Variants in PRICKLE2 observed in about 807,000 individuals in gnomAD.
PRICKLE2 encodes prickle-like protein 2.
PRICKLE2 carries 21 observed loss-of-function variants against 81.4 expected under a neutral mutation model. The observed-to-expected ratio is 0.26, with a 90% confidence interval of 0.18 to 0.37. The LOEUF is 0.37. Among genes scored for constraint, PRICKLE2 ranks in the 10% least tolerant of loss-of-function variants. The probability of loss-of-function intolerance (pLI) is 1.00; values close to 1 mark genes in which losing one functional copy is unlikely to be tolerated. For missense variants in PRICKLE2, 940 were observed against 1,109.0 expected, an observed-to-expected ratio of 0.85 and a Z score of 2.16; for synonymous variants, 456 against 421.5, an observed-to-expected ratio of 1.08 and a Z score of -1.00.
At chr3:64,221,459 G>GCA (rs1287602757) in intron 1 of PRICKLE2, among the ~76,000 whole-genome samples, 2 of 120,796 alleles carry the variant, frequency 1.7e-5, no homozygotes, top group Admixed American at 8.2e-5. Flanking sequence ...ACACACACAC[G>GCA]CACACACACA....
intron 2 of PRICKLE2, among the ~76,000 whole-genome samples, chr3:64,180,962 GCAA>G (rs1463639416): frequency 6.6e-6 from 1 of 152,170 alleles, no homozygotes; most frequent in African/African-American, 2.4e-5. Flanking sequence ...CCTTTCATAA[GCAA>G]CTTTCCTTCT....
intron 7 of PRICKLE2, among the ~76,000 whole-genome samples, chr3:64,122,455 G>T (rs1229234709): frequency 6.6e-6 from 1 of 152,134 alleles, no homozygotes; most frequent in East Asian, 1.9e-4. Flanking sequence ...CTTCTGGGAG[G>T]CCCAAGAATC....
intron 2 of PRICKLE2, among the ~76,000 whole-genome samples, chr3:64,245,135 A>G (rs2079326871): frequency 6.6e-6 from 1 of 152,224 alleles, no homozygotes; most frequent in Non-Finnish European, 1.5e-5. Context: ...TTCACTGGAT[A>G]ATGCTAGAAT....
chr3:64,225,862 T>G (rs953944278), upstream of PRICKLE2, among the ~76,000 whole-genome samples: 2 of 151,688 alleles, frequency 1.3e-5, no homozygotes, highest in African/African-American at 4.9e-5. Flanking sequence ...AAATGCTGTG[T>G]CAAGCCTTCA....
chr3:64,219,876 C>T (rs2078925249), intron 1 of PRICKLE2, among the ~76,000 whole-genome samples: 1 of 152,158 alleles, frequency 6.6e-6, no homozygotes, highest in Non-Finnish European at 1.5e-5. Flanking sequence ...ACTTAACTTC[C>T]AGGAGTCCTG....
chr3:64,172,462 G>C lies in PRICKLE2; in HGVS notation c.145-9333C>G, dbSNP rs11130960. On this transcript the variant is annotated intron_variant, in intron 2 of 7. Transcript: ENST00000638394. The stretch of plus-strand genomic sequence containing the variant: ...TCAGATTGTTTGGGTTCCAATAATG[G>C]ATGTAACACTTACCATCTGCATGTA... Among the ~76,000 whole-genome samples the C allele has an allele frequency of 2.1e-3, 316 of 152,326 alleles. 9 individuals carry two copies. The East Asian group carries it at 0.056, about 27-fold the overall frequency.
At chr3:64,108,196 A>T (rs543099285) in intron 7 of PRICKLE2, among the ~76,000 whole-genome samples, 1 of 152,292 alleles carries the variant, frequency 6.6e-6, no homozygotes, top group African/African-American at 2.4e-5. Flanking sequence ...CCCTTTATAG[A>T]CACAGGTTGT....
At chr3:64,107,237 A>G (rs2076769595) in intron 7 of PRICKLE2, among the ~76,000 whole-genome samples, 1 of 152,138 alleles carries the variant, frequency 6.6e-6, no homozygotes, top group South Asian at 2.1e-4. Flanking sequence ...GGGGCATTCT[A>G]TGGTACACTG....
Position 64,120,403 on chromosome 3 carries a change from C to T in PRICKLE2, c.1661-20478G>A, listed in dbSNP as rs576572721. Among the ~76,000 whole-genome samples the T allele has an allele frequency of 8.5e-5, 13 of 152,220 alleles. 1 individual carries two copies. In the South Asian group the frequency reaches 2.1e-3, roughly 24 times the overall value. On this transcript the variant is annotated intron_variant, in intron 7 of 7. Coordinates refer to ENST00000638394, the MANE Select transcript of PRICKLE2 (RefSeq NM_198859.4). ...TCTGGAAAGACAGCAGATGGACCTT[C>T]GTTTGGCAGATAAGGAACTGAAAAC...
In PRICKLE2 at chr3:64,198,936, C is replaced by T. The variant is rs746914034; in HGVS notation, c.-9G>A. 4 of 1,614,026 alleles carry T rather than the reference C, an allele frequency of 2.5e-6. No homozygotes were observed. The highest frequency in any genetic ancestry group is 3.4e-6 in the Non-Finnish European group (4 of 1,180,046). On this transcript the variant is annotated 5_prime_UTR_variant, in exon 2 of 8. Transcript: ENST00000638394. Reference sequence around the variant, plus strand: ...GGCATCACTGTCACCATGTGCTCCTCCTGGGGACACTTGCAGTGCAGGCAG... The same window carrying T: ...GGCATCACTGTCACCATGTGCTCCTTCTGGGGACACTTGCAGTGCAGGCAG...
At chr3:64,255,480 C>T (rs2079512691) in intron 2 of PRICKLE2, among the ~76,000 whole-genome samples, 3 of 152,132 alleles carry the variant, frequency 2.0e-5, no homozygotes, top group African/African-American at 7.2e-5. Context: ...AAGACCACAC[C>T]TCATTCCTAG....
intron 7 of PRICKLE2, among the ~76,000 whole-genome samples, chr3:64,117,710 A>T (rs2076958809): frequency 6.6e-6 from 1 of 152,228 alleles, no homozygotes; most frequent in South Asian, 2.1e-4. Flanking sequence ...GATGACACAA[A>T]CAAGTGAAAA....
chr3:64,217,287 G>GA (rs2078887073), intron 1 of PRICKLE2, among the ~76,000 whole-genome samples: 4 of 151,794 alleles, frequency 2.6e-5, no homozygotes, highest in Admixed American at 2.6e-4. Context: ...GAGAAAGAAA[G>GA]AAAAAAAGAC....
intron 2 of PRICKLE2, among the ~76,000 whole-genome samples, chr3:64,255,589 T>G (rs2107184274): frequency 6.6e-6 from 1 of 152,324 alleles, no homozygotes; most frequent in Admixed American, 6.5e-5. Flanking sequence ...AATCCCAGTC[T>G]GCTGCCATAA....
chr3:64,223,657 G>C (rs1193047975), intron 1 of PRICKLE2, among the ~76,000 whole-genome samples: 1 of 152,170 alleles, frequency 6.6e-6, no homozygotes, highest in East Asian at 1.9e-4. Flanking sequence ...AGGGGAAGGA[G>C]CATTTGATGG....
chr3:64,232,640 C>T (rs569815334), intron 2 of PRICKLE2, among the ~76,000 whole-genome samples: 5 of 148,386 alleles, frequency 3.4e-5, no homozygotes, highest in African/African-American at 9.7e-5. Flanking sequence ...TGTATATCTA[C>T]ATTTGCTTCT....
At chr3:64,257,695 T>C (rs1195691114) in intron 2 of PRICKLE2, among the ~76,000 whole-genome samples, 1 of 152,094 alleles carries the variant, frequency 6.6e-6, no homozygotes, top group Non-Finnish European at 1.5e-5. Flanking sequence ...AATGTAGGCA[T>C]GGCCAATGGC....
rs142812758 is a variant in PRICKLE2 at position 64,203,084 on chromosome 3, A to G, written c.-40-4117T>C. Among the ~76,000 whole-genome samples, 831 of 152,314 alleles carry G rather than the reference A, an allele frequency of 5.5e-3. 4 individuals carry two copies. The highest frequency in any genetic ancestry group is 0.019 in the African/African-American group (793 of 41,574). On this transcript the variant is annotated intron_variant, in intron 1 of 7. Transcript: ENST00000638394. ...AAATTTCAACATAAAAATGTACTTG[A>G]AGAAACGAAATCAGTTTAGTCTAAC...
At chr3:64,221,744 G>A (rs934490150) in intron 1 of PRICKLE2, among the ~76,000 whole-genome samples, 2 of 152,156 alleles carry the variant, frequency 1.3e-5, no homozygotes, top group Non-Finnish European at 2.9e-5. Context: ...CTGAGGGACA[G>A]AGCCTTTTGA....
Sources: gnomAD v4.1 joint callset for allele counts (sites outside exome capture counted in the v4.1 genomes callset) on GRCh38, gnomAD v4.1.1 for gene constraint, MANE v1.5 for transcripts, NCBI Gene and HGNC (gene_info 2026-07-23, HGNC 2026-07-21) for gene names.